ZC3H12B: variants seen among roughly 807,000 people sequenced by gnomAD.
ZC3H12B encodes zinc finger CCCH-type containing 12B.
A neutral mutation model predicts 43.9 loss-of-function variants in ZC3H12B; 7 were observed. The ratio of observed to expected loss-of-function variants is 0.16; its 90% confidence interval spans 0.09 to 0.30. The LOEUF (loss-of-function observed/expected upper bound fraction) is 0.30, where lower values mean the gene tolerates loss of function less well. ZC3H12B is among the 10% of genes least tolerant of loss of function. ZC3H12B has a pLI of 1.00. For missense variants in ZC3H12B, 475 were observed against 670.2 expected, an observed-to-expected ratio of 0.71 and a Z score of 3.22; for synonymous variants, 222 against 241.7, an observed-to-expected ratio of 0.92 and a Z score of 0.76.
chrX:65,171,974 G>A, the ZC3H12B span, among the ~76,000 whole-genome samples: 9 of 112,231 alleles, frequency 8.0e-5, no homozygotes, highest in Admixed American at 1.9e-4. Context: ...GGAATTCCCC[G>A]ACCCCTTGCA....
At chrX:65,122,440 G>A in the ZC3H12B span, among the ~76,000 whole-genome samples, 2 of 111,234 alleles carry the variant, frequency 1.8e-5, no homozygotes, top group Non-Finnish European at 3.8e-5. Flanking sequence ...ATGCCAAATT[G>A]TAAAGACCAT....
intron 2 of ZC3H12B, among the ~76,000 whole-genome samples, chrX:65,398,194 C>T (rs1173597730): frequency 1.8e-5 from 2 of 111,591 alleles, no homozygotes; most frequent in African/African-American, 6.5e-5. Context: ...GTCCATTTTA[C>T]CCAAAGCAAT....
At chrX:65,330,014 A>G in the ZC3H12B span, among the ~76,000 whole-genome samples, 1 of 111,887 alleles carries the variant, frequency 8.9e-6, no homozygotes, top group African/African-American at 3.3e-5. Flanking sequence ...TTAGCTTAAG[A>G]TTGACTTGGC....
At chrX:65,161,112 T>G in the ZC3H12B span, among the ~76,000 whole-genome samples, 1 of 111,817 alleles carries the variant, frequency 8.9e-6, no homozygotes, top group African/African-American at 3.3e-5. Context: ...TTGATTGCAC[T>G]GTGGTCTGAG....
the ZC3H12B span, among the ~76,000 whole-genome samples, chrX:65,071,882 C>T: frequency 9.0e-6 from 1 of 111,612 alleles, no homozygotes; most frequent in Non-Finnish European, 1.9e-5. Flanking sequence ...CTGCCTTTAG[C>T]ATTTTTTCTT....
At chrX:65,035,413 G>T in the ZC3H12B span, among the ~76,000 whole-genome samples, 6 of 112,380 alleles carry the variant, frequency 5.3e-5, no homozygotes, top group Non-Finnish European at 1.1e-4. Context: ...TTCCCTTCGA[G>T]GTAGTTTTCC....
At chrX:65,227,390 C>T in the ZC3H12B span, among the ~76,000 whole-genome samples, 1 of 111,551 alleles carries the variant, frequency 9.0e-6, no homozygotes, top group African/African-American at 3.3e-5. Context: ...GCAGTGTGTA[C>T]AGGGAAATTT....
At chrX:65,432,632 G>T (rs1287860937) in intron 3 of ZC3H12B, among the ~76,000 whole-genome samples, 4 of 111,742 alleles carry the variant, frequency 3.6e-5, no homozygotes, top group African/African-American at 1.3e-4. Flanking sequence ...ACCAAATTTG[G>T]AATTTGTAAC....
intron 3 of ZC3H12B, among the ~76,000 whole-genome samples, chrX:65,461,713 T>G (rs1006625897): frequency 9.0e-6 from 1 of 110,710 alleles, no homozygotes; most frequent in Non-Finnish European, 1.9e-5. Flanking sequence ...GGGGTCTAGG[T>G]AGGGGGGAGG....
At chrX:65,241,456 T>TTC in the ZC3H12B span, among the ~76,000 whole-genome samples, 1 of 109,744 alleles carries the variant, frequency 9.1e-6, no homozygotes, top group African/African-American at 3.3e-5. Flanking sequence ...CTTCCCCTCC[T>TTC]GGGGGCTTCA....
chrX:65,443,488 A>G (rs943681255), intron 3 of ZC3H12B, among the ~76,000 whole-genome samples: 2 of 112,253 alleles, frequency 1.8e-5, no homozygotes, highest in Non-Finnish European at 3.8e-5. Context: ...TGAGAGCCCC[A>G]AACAGAGATT....
At chrX:65,247,558 T>TA in the ZC3H12B span, among the ~76,000 whole-genome samples, 7 of 112,817 alleles carry the variant, frequency 6.2e-5, no homozygotes, top group Non-Finnish European at 1.1e-4. Context: ...TATGAAGCTG[T>TA]AAAAAAGAAT....
chrX:65,154,030 C>T, the ZC3H12B span, among the ~76,000 whole-genome samples: 2 of 109,903 alleles, frequency 1.8e-5, no homozygotes, highest in Middle Eastern at 4.2e-3. Flanking sequence ...AATTGAACAA[C>T]GAGAACACAT....
At chrX:65,329,474 G>A in the ZC3H12B span, among the ~76,000 whole-genome samples, 5,262 of 84,572 alleles carry the variant, frequency 0.062, 1,694 homozygotes, top group African/African-American at 0.55. Flanking sequence ...AGTAGGTTGC[G>A]AAAATTTTCT....
At chrX:65,160,914 C>T in the ZC3H12B span, among the ~76,000 whole-genome samples, 1 of 110,910 alleles carries the variant, frequency 9.0e-6, no homozygotes, top group Admixed American at 9.6e-5. Flanking sequence ...ATAAATTTCC[C>T]TCTACACAGT....
chrX:65,419,306 T>C (rs745424358), intron 3 of ZC3H12B, among the ~76,000 whole-genome samples: 1 of 111,909 alleles, frequency 8.9e-6, no homozygotes, highest in Admixed American at 9.4e-5. Context: ...TAGAGATTAG[T>C]GCCACCATCA....
chrX:65,046,679 A>G, the ZC3H12B span, among the ~76,000 whole-genome samples: 29 of 111,607 alleles, frequency 2.6e-4, no homozygotes, highest in Non-Finnish European at 5.3e-4. Context: ...CTTTTCCTTT[A>G]CATTCACAGT....
At chrX:65,100,201 G>T in the ZC3H12B span, among the ~76,000 whole-genome samples, 1 of 110,926 alleles carries the variant, frequency 9.0e-6, no homozygotes, top group African/African-American at 3.3e-5. Flanking sequence ...GAATGAAAAG[G>T]AATGAACAAA....
At chrX:65,322,126 G>A in the ZC3H12B span, among the ~76,000 whole-genome samples, 1 of 111,361 alleles carries the variant, frequency 9.0e-6, no homozygotes, top group East Asian at 2.8e-4. Context: ...AGTCATGTTC[G>A]AACTTGAAGG....
Sources: gnomAD v4.1 joint callset for allele counts (sites outside exome capture counted in the v4.1 genomes callset) on GRCh38, gnomAD v4.1.1 for gene constraint, MANE v1.5 for transcripts, NCBI Gene and HGNC (gene_info 2026-07-23, HGNC 2026-07-21) for gene names.